Variants in PAH observed in about 807,000 individuals in gnomAD.
The protein encoded by PAH is phenylalanine hydroxylase, also known as phenylalanine-4-hydroxylase.
PAH carries 64 observed loss-of-function variants against 62.0 expected under a neutral mutation model. The observed-to-expected ratio is 1.03, with a 90% confidence interval of 0.84 to 1.27. The LOEUF (loss-of-function observed/expected upper bound fraction) is 1.27, where lower values mean the gene tolerates loss of function less well. Ranked by LOEUF, PAH falls within the 50% of genes most tolerant of loss-of-function variation. The pLI is 0.00. For missense variants in PAH, 579 were observed against 542.8 expected (o/e 1.07, Z -0.66); for synonymous variants, 195 against 196.2 (o/e 0.99, Z 0.05).
chr12:102,936,277 T>C (rs1218074279), intron 1 of PAH, among the ~76,000 whole-genome samples: 3 of 152,196 alleles, frequency 2.0e-5, no homozygotes, highest in African/African-American at 7.2e-5. Context: ...TTTGAACTTT[T>C]TAAAGACTCT....
chr12:102,877,665 C>T (rs1247965660), intron 3 of PAH, 115 bp from the exon 4 acceptor site: 2 of 776,798 alleles, frequency 2.6e-6, no homozygotes, highest in Non-Finnish European at 4.6e-6. Context: ...GGGCTGGCTT[C>T]CAGATAACCC....
chr12:102,844,388 T>A lies in PAH; in HGVS notation c.1013A>T (p.Asp338Val). The change falls in exon 10 of 13, where the codon GAC (aspartate) becomes GTC (valine). Residue 338 changes from aspartate (D) to valine (V), a missense_variant. By Grantham distance (152) the Asp-to-Val change is radical (BLOSUM62 -3). Coordinates refer to ENST00000553106, the MANE Select transcript of PAH (RefSeq NM_000277.3). ...CCCAGCACCATATGCCTTTATGGAG[T>A]CTCCTTGTTTGCAGAGCCCAAACTC... Reference protein sequence around the residue: ...TVEFGLCKQGDSIKAYGAGLL... With the variant: ...TVEFGLCKQGVSIKAYGAGLL... 1.2e-6 allele frequency: 2 copies of A among 1,613,720 alleles called. No individual in the cohort carries two copies. Among genetic ancestry groups the A allele is most frequent in the Non-Finnish European group, 8.5e-7 (1 of 1,179,810 alleles).
rs966340297 is a variant in PAH, at chr12:102,910,273, A to G, written c.168+2518T>C. ...TAATTCAGGGAAAGCTTGATAAAAG[A>G]GGTCTGAGGTCAGGGCCAGCTTCTG... On this transcript the variant is annotated intron_variant, in intron 2 of 12. Transcript: ENST00000553106. Among the ~76,000 whole-genome samples, 12 of 152,294 alleles carry G rather than the reference A, an allele frequency of 7.9e-5. No individual in the cohort carries two copies. In the Middle Eastern group the frequency reaches 0.014, roughly 173 times the overall value.
At chr12:102,909,682 T>C (rs1878126581) in intron 2 of PAH, among the ~76,000 whole-genome samples, 1 of 152,172 alleles carries the variant, frequency 6.6e-6, no homozygotes. Context: ...TAATTGGCCC[T>C]GGCTGGTAGC....
chr12:102,847,074 C>T (rs1324027439), intron 8 of PAH, 123 bp from the exon 9 acceptor site: 6 of 763,248 alleles, frequency 7.9e-6, no homozygotes, highest in Non-Finnish European at 1.4e-5. Flanking sequence ...CACATAGACC[C>T]TGAGTGTGTT....
At chr12:102,928,806 G>C (rs893611473) in intron 1 of PAH, among the ~76,000 whole-genome samples, 1 of 152,052 alleles carries the variant, frequency 6.6e-6, no homozygotes, top group Non-Finnish European at 1.5e-5. Flanking sequence ...GAGACACTTG[G>C]GGGACTAGAC....
chr12:102,920,238 AT>A (rs1197911805), upstream of PAH, among the ~76,000 whole-genome samples: 2 of 152,194 alleles, frequency 1.3e-5, no homozygotes, highest in Non-Finnish European at 2.9e-5. Context: ...CTTGCAGATG[AT>A]TTTTAAGCCA....
chr12:102,839,020 ATTATTTTGAC>A lies in PAH; in HGVS notation c.*145_*154del. On this transcript the variant is annotated 3_prime_UTR_variant, in exon 13 of 13. Coordinates refer to ENST00000553106, the MANE Select transcript of PAH (RefSeq NM_000277.3). ...ATGTACTCATATCCTGTCATTTCAG[ATTATTTTGAC>A]TTATTTGTTGTTTCTCCATCTTGTA... The A allele has an allele frequency of 1.4e-6, 1 of 695,312 alleles. No homozygotes were observed. Among genetic ancestry groups the A allele is most frequent in the Non-Finnish European group, 2.6e-6 (1 of 392,096 alleles). 43.1% of individuals were successfully genotyped at this position (695,312 alleles called of 1,614,324 possible).
intron 1 of PAH, among the ~76,000 whole-genome samples, chr12:102,943,121 A>G (rs1879351912): frequency 6.6e-6 from 1 of 152,102 alleles, no homozygotes. Context: ...TAAAGTATCA[A>G]TAGAGAAAAA....
chr12:102,927,319 C>G (rs1183312286), intron 1 of PAH, among the ~76,000 whole-genome samples: 1 of 141,876 alleles, frequency 7.0e-6, no homozygotes, highest in Non-Finnish European at 1.5e-5. Context: ...TGCTCCTAGT[C>G]AGAGGTGGGC....
At chr12:102,854,829 C>A (rs576260391) in intron 6 of PAH, 54 of 419,908 alleles carry the variant, frequency 1.3e-4, no homozygotes, top group African/African-American at 8.4e-4. Context: ...CAAAACAAAA[C>A]AAAAAAAAAC....
At position 102,940,637 on chromosome 12, in the gene PAH, T is replaced by A. The variant is rs140016370; in HGVS notation, c.-96+9952A>T. On this transcript the variant is annotated intron_variant, in intron 1 of 3. Transcript: ENST00000546844. ...CAAAAATAAGGAAAAACAAAATTTT[T>A]AAAATAAGCAAAACCTCTGAGAAAT... Among the ~76,000 whole-genome samples, 740 of 152,280 alleles carry A rather than the reference T, an allele frequency of 4.9e-3. 6 individuals are homozygous for A. The highest frequency in any genetic ancestry group is 0.017 in the African/African-American group (706 of 41,552).
chr12:102,851,653 C>A, intron 8 of PAH, 34 bp downstream of exon 8: 1 of 1,587,308 alleles, frequency 6.3e-7, no homozygotes, highest in African/African-American at 1.3e-5. Flanking sequence ...GGTCACAGAC[C>A]TATAACTAGA....
chr12:102,858,099 C>T (rs1875526371), intron 5 of PAH, among the ~76,000 whole-genome samples: 1 of 152,088 alleles, frequency 6.6e-6, no homozygotes, highest in African/African-American at 2.4e-5. Context: ...TGCAGAGACA[C>T]ACATAGGCCC....
At chr12:102,859,081 G>A (rs1381513848) in intron 5 of PAH, among the ~76,000 whole-genome samples, 1 of 151,860 alleles carries the variant, frequency 6.6e-6, no homozygotes, top group African/African-American at 2.4e-5. Flanking sequence ...CTGCTAGCAA[G>A]ACTAATAAAG....
At chr12:102,954,581 T>C (rs934530504), upstream of PAH, among the ~76,000 whole-genome samples, 1 of 151,988 alleles carries the variant, frequency 6.6e-6, no homozygotes, top group Non-Finnish European at 1.5e-5. Flanking sequence ...AGCTCTCAGG[T>C]AAAGGGGCCT....
intron 3 of PAH, 49 bp from the exon 4 acceptor site, chr12:102,877,599 GC>G (rs1876632019): frequency 1.4e-6 from 2 of 1,384,626 alleles, no homozygotes; most frequent in Non-Finnish European, 2.1e-6. Flanking sequence ...GCAGAACATG[GC>G]CAAAGGCCTT....
At chr12:102,889,384 A>C (rs1200352423) in intron 3 of PAH, among the ~76,000 whole-genome samples, 1 of 151,868 alleles carries the variant, frequency 6.6e-6, no homozygotes, top group Admixed American at 6.6e-5. Context: ...CACAGTAATC[A>C]TAAGTGTTCC....
chr12:102,902,298 T>G (rs929627153), intron 2 of PAH, among the ~76,000 whole-genome samples: 17 of 152,210 alleles, frequency 1.1e-4, no homozygotes, highest in Non-Finnish European at 1.5e-5. Flanking sequence ...TTACCAGGAA[T>G]AGATCATGGA....
Sources: gnomAD v4.1 joint callset for allele counts (sites outside exome capture counted in the v4.1 genomes callset) on GRCh38, gnomAD v4.1.1 for gene constraint, MANE v1.5 for transcripts, NCBI Gene and HGNC (gene_info 2026-07-23, HGNC 2026-07-21) for gene names.